PRKN: variants seen among roughly 807,000 people sequenced by gnomAD.
PRKN encodes parkin RBR E3 ubiquitin protein ligase, also known as E3 ubiquitin-protein ligase parkin.
In PRKN, 56 loss-of-function variants were observed where a neutral mutation model predicts 59.5. The observed-to-expected ratio is 0.94, with a 90% CI of 0.76 to 1.18. PRKN has a LOEUF of 1.18. PRKN is among the 50% of genes most tolerant of loss of function. The pLI is 0.00. For missense variants in PRKN, 657 were observed against 596.4 expected (o/e 1.10, Z -1.06); for synonymous variants, 250 against 222.1 (o/e 1.13, Z -1.12).
rs61461516 is a variant in PRKN at position 161,969,268 on chromosome 6, G to GTT, written c.734+4032_734+4033dup. ...AATAATATGGTTTTCAGTCTTATTT[G>GTT]TTTTTTTTTTTTTTTTTTAACTGTG... On this transcript the variant is annotated intron_variant, in intron 6 of 11. Transcript: ENST00000366898. 4.0e-3 allele frequency among the ~76,000 whole-genome samples: 532 copies of GTT among 133,954 alleles called. 3 individuals carry two copies. The highest frequency in any genetic ancestry group is 0.01 in the South Asian group (44 of 4,200). The allele number at this position is 133,954 out of a possible 152,430, so 87.9% of individuals were successfully genotyped here.
chr6:162,492,223 T>C (rs1351588106), intron 1 of PRKN, among the ~76,000 whole-genome samples: 4 of 152,264 alleles, frequency 2.6e-5, no homozygotes, highest in African/African-American at 9.6e-5. Flanking sequence ...AAGGCCACAG[T>C]GACAAATGTC....
chr6:162,072,443 A>G (rs1778618896), intron 4 of PRKN, among the ~76,000 whole-genome samples: 1 of 152,206 alleles, frequency 6.6e-6, no homozygotes, highest in African/African-American at 2.4e-5. Flanking sequence ...TATTCTGAGC[A>G]TGGAGAACAG....
intron 6 of PRKN, among the ~76,000 whole-genome samples, chr6:161,920,843 A>C (rs1246100948): frequency 6.6e-6 from 1 of 151,990 alleles, no homozygotes; most frequent in Non-Finnish European, 1.5e-5. Context: ...AATGGAGCTT[A>C]CAGTACTCCA....
chr6:162,134,930 T>C (rs1373954206), intron 4 of PRKN, among the ~76,000 whole-genome samples: 1 of 152,166 alleles, frequency 6.6e-6, no homozygotes, highest in Admixed American at 6.6e-5. Context: ...AAACTGTTCA[T>C]ACTGAAACTA....
chr6:162,552,477 G>C (rs532862516), intron 1 of PRKN, among the ~76,000 whole-genome samples: 1 of 152,130 alleles, frequency 6.6e-6, no homozygotes, highest in Admixed American at 6.5e-5. Context: ...GAGTGTGGGA[G>C]GTGCAGAATC....
chr6:162,573,680 C>T (rs1246535377), intron 1 of PRKN, among the ~76,000 whole-genome samples: 2 of 152,172 alleles, frequency 1.3e-5, no homozygotes, highest in Admixed American at 1.3e-4. Flanking sequence ...ACTTCCATCA[C>T]CCACCCCTTC....
chr6:162,251,955 G>A (rs896352033), intron 3 of PRKN, among the ~76,000 whole-genome samples: 1 of 152,130 alleles, frequency 6.6e-6, no homozygotes, highest in Non-Finnish European at 1.5e-5. Flanking sequence ...AATCTACTGT[G>A]TATATCTGTA....
At chr6:161,614,824 A>G (rs1782628163) in intron 7 of PRKN, among the ~76,000 whole-genome samples, 1 of 152,144 alleles carries the variant, frequency 6.6e-6, no homozygotes, top group Non-Finnish European at 1.5e-5. Flanking sequence ...CCCTTAATCA[A>G]TCTTGAAATG....
At position 161,430,124 on chromosome 6, in the gene PRKN, T is replaced by C. The variant is rs557143693; in HGVS notation, c.1084-43247A>G. Among the ~76,000 whole-genome samples, 6 of 152,310 alleles carry C rather than the reference T, an allele frequency of 3.9e-5. No homozygotes were observed. The East Asian group carries it at 1.2e-3, about 29-fold the overall frequency. On this transcript the variant is annotated intron_variant, in intron 9 of 11. Transcript: ENST00000366898. Reference sequence around the variant, plus strand: ...AATCTGAGTCTTTTATAATGGGCCGTGAGCAGGACTGCCATTGTCAACAGA... The same window carrying C: ...AATCTGAGTCTTTTATAATGGGCCGCGAGCAGGACTGCCATTGTCAACAGA...
intron 1 of PRKN, among the ~76,000 whole-genome samples, chr6:162,635,511 A>T (rs748531188): frequency 6.6e-6 from 1 of 152,150 alleles, no homozygotes; most frequent in Non-Finnish European, 1.5e-5. Context: ...TTTACCCTGA[A>T]ATTCAAATAT....
chr6:162,625,939 T>C (rs1782869130), intron 1 of PRKN, among the ~76,000 whole-genome samples: 2 of 152,190 alleles, frequency 1.3e-5, no homozygotes, highest in African/African-American at 4.8e-5. Context: ...CTGCTTTCTT[T>C]AACAGATAAA....
intron 1 of PRKN, among the ~76,000 whole-genome samples, chr6:162,602,257 GA>G (rs1224248118): frequency 3.3e-5 from 5 of 152,176 alleles, no homozygotes; most frequent in Non-Finnish European, 7.3e-5. Context: ...GGAGAGAAGA[GA>G]GAAGAGAAGG....
intron 6 of PRKN, among the ~76,000 whole-genome samples, chr6:161,793,595 G>C (rs2128208616): frequency 6.6e-6 from 1 of 151,416 alleles, no homozygotes; most frequent in Non-Finnish European, 1.5e-5. Flanking sequence ...CTCCTCAGGA[G>C]GTCACAGTCT....
At chr6:161,523,453 CAGT>C (rs906428344) in intron 9 of PRKN, among the ~76,000 whole-genome samples, 1 of 152,158 alleles carries the variant, frequency 6.6e-6, no homozygotes, top group Non-Finnish European at 1.5e-5. Flanking sequence ...AAAAGTGACA[CAGT>C]AGATTCACAC....
chr6:162,179,081 T>C (rs1053556104), intron 4 of PRKN, among the ~76,000 whole-genome samples: 1 of 152,138 alleles, frequency 6.6e-6, no homozygotes. Flanking sequence ...GGAGTCTCAC[T>C]ATTTCCCAGG....
At chr6:162,411,699 A>T (rs1290603318) in intron 2 of PRKN, among the ~76,000 whole-genome samples, 2 of 152,176 alleles carry the variant, frequency 1.3e-5, no homozygotes, top group African/African-American at 2.4e-5. Context: ...TATAATTTTT[A>T]AAAATCCCTT....
rs575862085 is a variant in PRKN at position 161,468,739 on chromosome 6, T to C, written c.1083+80115A>G. Among the ~76,000 whole-genome samples, 7 of 152,294 alleles carry C rather than the reference T, an allele frequency of 4.6e-5. No individual in the cohort carries two copies. The East Asian group carries it at 7.7e-4, about 17-fold the overall frequency. On this transcript the variant is annotated intron_variant, in intron 9 of 11. Coordinates refer to ENST00000366898, the MANE Select transcript of PRKN (RefSeq NM_004562.3). This position sits in a 1 kb window ranked among gnomAD's most constrained non-coding sequence, Gnocchi z 5.9. ...CCGGGAGGATCCAGCCTCAGAGGAC[T>C]TGGGTATGTTCTTCTCAAGGACAGG...
chr6:162,372,384 C>T (rs1785814672), intron 2 of PRKN, among the ~76,000 whole-genome samples: 1 of 152,148 alleles, frequency 6.6e-6, no homozygotes, highest in African/African-American at 2.4e-5. Context: ...ACACGCTGTG[C>T]TCCATTCACG....
rs75471862 is a variant in PRKN, at chr6:161,428,089, C to T, written c.1084-41212G>A. 3.3e-3 allele frequency among the ~76,000 whole-genome samples: 502 copies of T among 152,282 alleles called. 9 individuals carry two copies. In the East Asian group the frequency reaches 0.041, roughly 13 times the overall value. Reference sequence around the variant, plus strand: ...GCTCGGCATTTGGACACAGCTCACACGCATGAGTGATGCTCTTCCACCTGC... The same window carrying T: ...GCTCGGCATTTGGACACAGCTCACATGCATGAGTGATGCTCTTCCACCTGC... On this transcript the variant is annotated intron_variant, in intron 9 of 11. Transcript: ENST00000366898. The surrounding 1 kb of genome is among the most constrained non-coding windows in gnomAD (Gnocchi z 4.0).
Sources: gnomAD v4.1 joint callset for allele counts (sites outside exome capture counted in the v4.1 genomes callset) on GRCh38, gnomAD v4.1.1 for gene constraint, Gnocchi (gnomAD v3.1) non-coding constraint, MANE v1.5 for transcripts, NCBI Gene and HGNC (gene_info 2026-07-23, HGNC 2026-07-21) for gene names.